Variants in TOR1B observed in about 807,000 individuals in gnomAD.
The protein encoded by TOR1B is torsin family 1 member B.
Under a neutral mutation model 29.2 loss-of-function variants are expected in TOR1B, and 14 were observed. The observed-to-expected ratio is 0.48, with a 90% confidence interval of 0.32 to 0.75. The LOEUF is 0.75. Among genes scored for constraint, TOR1B ranks in the 30% least tolerant of loss-of-function variants. The pLI, the probability that TOR1B is intolerant of heterozygous loss-of-function variation, is 0.04. For missense variants in TOR1B, 400 were observed against 433.9 expected (o/e 0.92, Z 0.69); for synonymous variants, 166 against 179.8 (o/e 0.92, Z 0.62).
In TOR1B at chr9:129,809,790, G is replaced by C; in HGVS notation, c.*207G>C. The C allele has an allele frequency of 7.1e-7, 1 of 1,400,450 alleles. No homozygotes were observed. Among genetic ancestry groups the C allele is most frequent in the Admixed American group, 3.0e-5 (1 of 33,790 alleles). 86.8% of individuals were successfully genotyped at this position (1,400,450 alleles called of 1,614,324 possible). A position where few individuals can be genotyped will look rare whatever the true frequency, so the allele number is the denominator to read the frequency against. ...CAATCCTCAACTCACTGCAACCTCC[G>C]CTCCCGGTTTGAGTGATTCTCATGC... On this transcript the variant is annotated 3_prime_UTR_variant, in exon 5 of 5. Transcript: ENST00000259339.
intron 1 of TOR1B, 42 bp downstream of exon 1, chr9:129,803,453 CGCGG>C: frequency 2.9e-6 from 3 of 1,047,548 alleles, no homozygotes; most frequent in Non-Finnish European, 3.4e-6. Flanking sequence ...CTGCGGGGGG[CGCGG>C]GGGCGCGGGG....
rs772925022 is a variant in TOR1B at position 129,807,232 on chromosome 9, G to A, written c.510G>A (p.Ala170=). The change falls in exon 3 of 5, where the codon GCG becomes GCA. Residue 170 remains alanine (A), a synonymous_variant. Coordinates refer to ENST00000259339, the MANE Select transcript of TOR1B (RefSeq NM_014506.3). The part of the protein sequence containing the change: ...KWIRGNVSAC[A]NSVFIFDEMD... ...TCCGCGGTAATGTGAGTGCATGTGC[G>A]AACTCTGTTTTCATATTTGACGAGA... The A allele has an allele frequency of 6.2e-6, 10 of 1,614,026 alleles. No homozygotes were observed. The highest frequency in any genetic ancestry group is 2.2e-5 in the East Asian group (1 of 44,888).
rs1049799058 is a variant in TOR1B at position 129,810,568 on chromosome 9, C to T, written c.*985C>T. The T allele has an allele frequency of 1.7e-5, 8 of 468,374 alleles. No homozygotes were observed. Among genetic ancestry groups the T allele is most frequent in the African/African-American group, 1.2e-4 (6 of 48,456 alleles). The allele number at this position is 468,374 out of a possible 1,614,324, so 29.0% of individuals were successfully genotyped here. A position where few individuals can be genotyped will look rare whatever the true frequency, so the allele number is the denominator to read the frequency against. On this transcript the variant is annotated 3_prime_UTR_variant, in exon 5 of 5. Transcript: ENST00000259339. ...TCATAGAGTTGAATCACAATGAGACCGTTGGCTTTGAATTTGAGTCGTTGG... is the reference window on the plus strand; with the variant it reads ...TCATAGAGTTGAATCACAATGAGACTGTTGGCTTTGAATTTGAGTCGTTGG...
Position 129,811,009 on chromosome 9 carries a change from ATC to A in TOR1B, c.*1428_*1429del, listed in dbSNP as rs1284707247. On this transcript the variant is annotated 3_prime_UTR_variant, in exon 5 of 5. Transcript: ENST00000259339. ...GCTTCCAGCCAGTGTGAATCATTGT[ATC>A]TGTCTCATAATCACAGCACAGCTGC... 1.3e-5 allele frequency: 2 copies of A among 152,186 alleles called. No homozygotes were observed. The highest frequency in any genetic ancestry group is 2.4e-5 in the African/African-American group (1 of 41,452). The allele number at this position is 152,186 out of a possible 1,614,324, so 9.4% of individuals were successfully genotyped here.
In TOR1B at chr9:129,809,937, A is replaced by G. The variant is rs2030748776; in HGVS notation, c.*354A>G. On this transcript the variant is annotated 3_prime_UTR_variant, in exon 5 of 5. Coordinates refer to ENST00000259339, the MANE Select transcript of TOR1B (RefSeq NM_014506.3). ...TTGCGCGCATTTGTCATTTAGCAAG[A>G]TGGCAGCAGTCCAGCTGTTCTTTGC... The G allele has an allele frequency of 3.4e-6, 4 of 1,192,764 alleles. No homozygotes were observed. Among genetic ancestry groups the G allele is most frequent in the South Asian group, 1.7e-5 (1 of 59,914 alleles). The allele number at this position is 1,192,764 out of a possible 1,614,324, so 73.9% of individuals were successfully genotyped here. A position where few individuals can be genotyped will look rare whatever the true frequency, so the allele number is the denominator to read the frequency against.
Position 129,807,317 on chromosome 9 carries a change from C to T in TOR1B, c.595C>T (p.Gln199Ter), listed in dbSNP as rs1287957266. The T allele has an allele frequency of 6.2e-7, 1 of 1,614,058 alleles. No individual in the cohort carries two copies. The highest frequency in any genetic ancestry group is 8.5e-7 in the Non-Finnish European group (1 of 1,180,052). ...AIKPFLDYYE[Q>*]VDGVSYRKAI... is the part of the protein sequence containing the mutation. Reference sequence around the variant, plus strand: ...CAAGCCGTTTCTAGACTACTACGAGCAGGTTGACGGAGTGTCTTACCGCAA... The same window carrying T: ...CAAGCCGTTTCTAGACTACTACGAGTAGGTTGACGGAGTGTCTTACCGCAA... The change falls in exon 3 of 5, where the codon CAG (glutamine) becomes TAG (stop). Residue 199 changes from glutamine to a stop codon, truncating the protein, a stop_gained. Coordinates refer to ENST00000259339, the MANE Select transcript of TOR1B (RefSeq NM_014506.3). LOFTEE classifies it high-confidence loss of function.
chr9:129,807,149 G>A, intron 2 of TOR1B, 39 bp from the exon 3 acceptor site: 1 of 1,605,068 alleles, frequency 6.2e-7, no homozygotes, highest in Non-Finnish European at 8.5e-7. Context: ...TGCACCCTTT[G>A]AGCTTCGCAT....
rs2030776120 is a variant in TOR1B at position 129,810,336 on chromosome 9, T to A, written c.*753T>A. On this transcript the variant is annotated 3_prime_UTR_variant, in exon 5 of 5. Coordinates refer to ENST00000259339, the MANE Select transcript of TOR1B (RefSeq NM_014506.3). ...CGAGCACTCTTGATCTGAGCTGACC[T>A]GTGTGTGTGTGTGTGGGGGGGTGGG... 7 of 908,216 alleles carry A rather than the reference T, an allele frequency of 7.7e-6. No homozygotes were observed. Among genetic ancestry groups the A allele is most frequent in the South Asian group, 2.1e-5 (1 of 47,518 alleles). 56.3% of individuals were successfully genotyped at this position (908,216 alleles called of 1,614,324 possible). A position where few individuals can be genotyped will look rare whatever the true frequency, so the allele number is the denominator to read the frequency against.
chr9:129,805,025 CT>C (rs2130987202), intron 2 of TOR1B, among the ~76,000 whole-genome samples: 1 of 151,592 alleles, frequency 6.6e-6, no homozygotes, highest in African/African-American at 2.4e-5. Flanking sequence ...GTTGTCCCAG[CT>C]ACTCGGGAGG....
chr9:129,809,699 T>C lies in TOR1B; in HGVS notation c.*116T>C. Reference sequence around the variant, plus strand: ...TTTTGCCTGTTTGCACCTTAGACTTTTGGGTATAGAATCTTTTTTTTGAGA... The same window carrying C: ...TTTTGCCTGTTTGCACCTTAGACTTCTGGGTATAGAATCTTTTTTTTGAGA... On this transcript the variant is annotated 3_prime_UTR_variant, in exon 5 of 5. Coordinates refer to ENST00000259339, the MANE Select transcript of TOR1B (RefSeq NM_014506.3). The C allele has an allele frequency of 1.3e-6, 2 of 1,509,654 alleles. No individual in the cohort carries two copies. The highest frequency in any genetic ancestry group is 1.8e-6 in the Non-Finnish European group (2 of 1,138,224). The allele number at this position is 1,509,654 out of a possible 1,614,324, so 93.5% of individuals were successfully genotyped here. A position where few individuals can be genotyped will look rare whatever the true frequency, so the allele number is the denominator to read the frequency against.
chr9:129,805,368 G>C (rs2030420954), intron 2 of TOR1B, among the ~76,000 whole-genome samples: 1 of 151,680 alleles, frequency 6.6e-6, no homozygotes, highest in Non-Finnish European at 1.5e-5. Flanking sequence ...GTTGCAGTCA[G>C]CTGAGAATGG....
chr9:129,804,335 C>T lies in TOR1B; in HGVS notation c.462C>T (p.Tyr154=). ...HFPHEQKIKL[Y]QDQLQKWIRG... is the part of the protein sequence containing the mutation. ...CTCATGAGCAGAAGATAAAACTGTA[C>T]CAGGCAAGAGAACCCGCTATTATCT... Residue 154 remains tyrosine (Y), a synonymous_variant, in exon 2 of 5, where the codon TAC becomes TAT. Coordinates refer to ENST00000259339, the MANE Select transcript of TOR1B (RefSeq NM_014506.3). 1 of 1,610,718 alleles carries T rather than the reference C, an allele frequency of 6.2e-7. No homozygotes were observed. The highest frequency in any genetic ancestry group is 8.5e-7 in the Non-Finnish European group (1 of 1,176,978).
chr9:129,804,499 A>G (rs2030359209), intron 2 of TOR1B, 161 bp downstream of exon 2: 1 of 875,974 alleles, frequency 1.1e-6, no homozygotes, highest in African/African-American at 1.7e-5. Context: ...AAGCTCTCCT[A>G]CAACATTTCT....
rs1480119298 is a variant in TOR1B at position 129,810,544 on chromosome 9, CAT to C, written c.*963_*964del. 3 of 650,826 alleles carry C rather than the reference CAT, an allele frequency of 4.6e-6. No individual in the cohort carries two copies. The highest frequency in any genetic ancestry group is 3.8e-5 in the African/African-American group (2 of 52,342). The allele number at this position is 650,826 out of a possible 1,614,324, so 40.3% of individuals were successfully genotyped here. On this transcript the variant is annotated 3_prime_UTR_variant, in exon 5 of 5. Transcript: ENST00000259339. Reference sequence around the variant, plus strand: ...TGCTAGAGTCCCCCCAACCATATATCATAGAGTTGAATCACAATGAGACCGTT... The same window carrying C: ...TGCTAGAGTCCCCCCAACCATATATCAGAGTTGAATCACAATGAGACCGTT...
intron 2 of TOR1B, among the ~76,000 whole-genome samples, chr9:129,806,147 G>T (rs1034338458): frequency 4.6e-5 from 7 of 151,432 alleles, no homozygotes; most frequent in African/African-American, 1.7e-4. Context: ...AATTCCTCCT[G>T]TTAGGTGGGG....
intron 2 of TOR1B, among the ~76,000 whole-genome samples, chr9:129,806,116 ATC>A (rs1243895144): frequency 7.7e-6 from 1 of 129,106 alleles, no homozygotes. Flanking sequence ...GTAAGACTCT[ATC>A]TCAAAAAAAA....
chr9:129,808,075 C>T (rs999272886), intron 3 of TOR1B, among the ~76,000 whole-genome samples: 4 of 151,984 alleles, frequency 2.6e-5, no homozygotes, highest in African/African-American at 7.2e-5. Context: ...ATTTTATTAA[C>T]TGTGCATGTT....
Position 129,809,543 on chromosome 9 carries a change from A to G in TOR1B, c.971A>G (p.Lys324Arg). The change falls in exon 5 of 5, where the codon AAG becomes AGG. Residue 324 changes from lysine to arginine, a missense_variant. By Grantham distance (26) the Lys-to-Arg change is conservative (BLOSUM62 2). Transcript: ENST00000259339. ...FPRDEKIYSD[K>R]GCKTVQSRLD... ...AGAGACGAGAAAATCTACTCAGACAAGGGCTGCAAGACTGTGCAGTCGCGG... is the reference window on the plus strand; with the variant it reads ...AGAGACGAGAAAATCTACTCAGACAGGGGCTGCAAGACTGTGCAGTCGCGG... 6.2e-7 allele frequency: 1 copy of G among 1,614,196 alleles called. No homozygotes were observed. The highest frequency in any genetic ancestry group is 1.1e-5 in the South Asian group (1 of 91,082).
chr9:129,807,059 G>C (rs917344758), intron 2 of TOR1B, 129 bp from the exon 3 acceptor site: 2 of 789,924 alleles, frequency 2.5e-6, no homozygotes, highest in African/African-American at 3.5e-5. Context: ...CCTAGCGAGT[G>C]GGGGTGAGGG....
Sources: allele counts gnomAD v4.1 joint callset (sites outside exome capture counted in the v4.1 genomes callset), GRCh38; gene constraint gnomAD v4.1.1; transcripts MANE v1.5; gene names NCBI Gene and HGNC (gene_info 2026-07-23, HGNC 2026-07-21).